Variants in CAMKMT observed in about 807,000 individuals in gnomAD.
The protein encoded by CAMKMT is CaM KMT.
CAMKMT carries 53 observed loss-of-function variants against 48.0 expected under a neutral mutation model. The observed-to-expected ratio is 1.10, with a 90% CI of 0.89 to 1.39. The LOEUF (loss-of-function observed/expected upper bound fraction) is 1.39, where lower values mean the gene tolerates loss of function less well. Among genes scored for constraint, CAMKMT ranks in the 40% most tolerant of loss-of-function variants. The pLI, the probability that CAMKMT is intolerant of heterozygous loss-of-function variation, is 0.00. For synonymous variants in CAMKMT, 165 were observed against 152.3 expected (o/e 1.08, Z -0.61); for missense variants, 428 against 402.7 (o/e 1.06, Z -0.54).
chr2:44,412,665 T>C (rs1300910972), intron 3 of CAMKMT, among the ~76,000 whole-genome samples: 8 of 152,150 alleles, frequency 5.3e-5, no homozygotes, highest in East Asian at 1.9e-4. Context: ...ATACATTTCA[T>C]TGAATTACTT....
intron 3 of CAMKMT, among the ~76,000 whole-genome samples, chr2:44,483,247 A>G (rs1391915147): frequency 2.0e-5 from 3 of 152,148 alleles, no homozygotes; most frequent in Admixed American, 1.3e-4. Flanking sequence ...TTTAAAGTCA[A>G]CTTTTCATTT....
At chr2:44,609,408 C>A (rs1671474222) in intron 3 of CAMKMT, among the ~76,000 whole-genome samples, 1 of 152,170 alleles carries the variant, frequency 6.6e-6, no homozygotes, top group African/African-American at 2.4e-5. Context: ...AATTAGCTAA[C>A]TATTCCATAG....
intron 3 of CAMKMT, chr2:44,631,477 T>C: frequency 1.7e-6 from 1 of 591,604 alleles, no homozygotes; most frequent in South Asian, 2.2e-5. Context: ...CAATTTTTTA[T>C]TTTTTTTGTA....
Position 44,728,650 on chromosome 2 carries a change from T to C in CAMKMT, c.623+13297T>C, listed in dbSNP as rs563649166. Among the ~76,000 whole-genome samples, 4 of 152,290 alleles carry C rather than the reference T, an allele frequency of 2.6e-5. No individual in the cohort carries two copies. The East Asian group carries it at 7.7e-4, about 29-fold the overall frequency. On this transcript the variant is annotated intron_variant, in intron 7 of 10. Transcript: ENST00000378494. ...TTCCTGATTCGATCTTGGGAGACTG[T>C]GTGCTTCCAGGAATGTATCCATTTC...
At chr2:44,704,453 A>T in intron 4 of CAMKMT, 110 bp downstream of exon 4, 1 of 736,022 alleles carries the variant, frequency 1.4e-6, no homozygotes, top group Non-Finnish European at 2.1e-6. Flanking sequence ...AAAAAATATA[A>T]GAAAAGAAAA....
At chr2:44,384,344 T>G (rs1006112002) in intron 2 of CAMKMT, among the ~76,000 whole-genome samples, 1 of 152,092 alleles carries the variant, frequency 6.6e-6, no homozygotes, top group African/African-American at 2.4e-5. Flanking sequence ...TCTTACTGAT[T>G]CGTTTGAGTT....
chr2:44,406,062 G>T (rs1472123371), intron 3 of CAMKMT, among the ~76,000 whole-genome samples: 2 of 152,150 alleles, frequency 1.3e-5, no homozygotes, highest in South Asian at 2.1e-4. Context: ...ATCAGTTAGG[G>T]TTCTTTGGTT....
chr2:44,745,106 A>G (rs1343416597), intron 8 of CAMKMT, among the ~76,000 whole-genome samples: 1 of 152,200 alleles, frequency 6.6e-6, no homozygotes, highest in Non-Finnish European at 1.5e-5. Flanking sequence ...TGCTGGCAGG[A>G]TTAGATCAGA....
At chr2:44,550,879 G>A (rs1480761627) in intron 3 of CAMKMT, 2 of 152,174 alleles carry the variant, frequency 1.3e-5, no homozygotes, top group African/African-American at 4.8e-5. Context: ...TATATTCTCT[G>A]TATATCTTCA....
intron 3 of CAMKMT, among the ~76,000 whole-genome samples, chr2:44,499,999 C>T (rs1669933097): frequency 6.6e-6 from 1 of 152,048 alleles, no homozygotes; most frequent in South Asian, 2.1e-4. Context: ...TATTATCTAT[C>T]CTAGATTTAT....
intron 3 of CAMKMT, among the ~76,000 whole-genome samples, chr2:44,400,487 T>G (rs1067331): frequency 2.0e-5 from 3 of 151,928 alleles, no homozygotes; most frequent in Non-Finnish European, 2.9e-5. Context: ...CTGATGCATA[T>G]TGTATATTTG....
chr2:44,641,549 A>G (rs899824108), intron 3 of CAMKMT, among the ~76,000 whole-genome samples: 1 of 93,258 alleles, frequency 1.1e-5, no homozygotes, highest in South Asian at 3.6e-4. Flanking sequence ...TTTTTATGAT[A>G]TTTTATATAT....
chr2:44,711,024 C>A (rs1258371465), intron 6 of CAMKMT, among the ~76,000 whole-genome samples: 1 of 152,162 alleles, frequency 6.6e-6, no homozygotes, highest in African/African-American at 2.4e-5. Context: ...AAAGGAGACA[C>A]CCCTGGTTTA....
chr2:44,621,281 A>ATAAAAAAAAAAAAAAT (rs1558750192), intron 3 of CAMKMT, among the ~76,000 whole-genome samples: 1 of 150,960 alleles, frequency 6.6e-6, no homozygotes, highest in African/African-American at 2.5e-5. Context: ...AAAAAAAAAA[A>ATAAAAAAAAAAAAAAT]AAAAGCATAA....
intron 3 of CAMKMT, among the ~76,000 whole-genome samples, chr2:44,614,918 A>T (rs74262151): frequency 8.6e-6 from 1 of 116,172 alleles, no homozygotes; most frequent in Admixed American, 9.3e-5. Flanking sequence ...CACTCTAACC[A>T]GCTCTTTGGT....
intron 3 of CAMKMT, among the ~76,000 whole-genome samples, chr2:44,622,221 T>G (rs1672237076): frequency 6.6e-6 from 1 of 152,242 alleles, no homozygotes; most frequent in Admixed American, 6.5e-5. Flanking sequence ...TGGTAAATCT[T>G]GAGGAAAACT....
intron 9 of CAMKMT, among the ~76,000 whole-genome samples, chr2:44,755,492 T>C (rs748912244): frequency 8.5e-5 from 13 of 152,290 alleles, no homozygotes; most frequent in Non-Finnish European, 1.8e-4. Context: ...ATAAATATAA[T>C]GCTTTCAAGG....
intron 3 of CAMKMT, among the ~76,000 whole-genome samples, chr2:44,673,470 A>AG (rs1160827006): frequency 7.6e-5 from 7 of 92,108 alleles, no homozygotes; most frequent in African/African-American, 2.8e-4. Context: ...AGAAAGAGAG[A>AG]GAGGAAGGAA....
chr2:44,655,827 T>A (rs1674349377), intron 3 of CAMKMT, among the ~76,000 whole-genome samples: 1 of 152,214 alleles, frequency 6.6e-6, no homozygotes, highest in South Asian at 2.1e-4. Flanking sequence ...ATAACCTTTA[T>A]CTTTTTGCAT....
Sources: gnomAD v4.1 joint callset for allele counts (sites outside exome capture counted in the v4.1 genomes callset) on GRCh38, gnomAD v4.1.1 for gene constraint, MANE v1.5 for transcripts, NCBI Gene and HGNC (gene_info 2026-07-23, HGNC 2026-07-21) for gene names.